The following USP34 variants were observed in gnomAD, a reference collection of about 807,000 sequenced individuals.
The protein encoded by USP34 is ubiquitin carboxyl-terminal hydrolase 34.
Under a neutral mutation model 460.3 loss-of-function variants are expected in USP34, and 70 were observed. The ratio of observed to expected loss-of-function variants is 0.15; its 90% CI spans 0.13 to 0.19. The LOEUF (loss-of-function observed/expected upper bound fraction) is 0.19, where lower values mean the gene tolerates loss of function less well. USP34 is among the 10% of genes least tolerant of loss of function. USP34 has a pLI of 1.00. For missense variants in USP34, 3,985 were observed against 4,236.2 expected (o/e 0.94, Z 1.65); for synonymous variants, 1,647 against 1,405.3 (o/e 1.17, Z -3.85).
intron 58 of USP34, among the ~76,000 whole-genome samples, chr2:61,232,239 A>G (rs991901459): frequency 2.0e-5 from 3 of 152,212 alleles, no homozygotes; most frequent in Admixed American, 1.3e-4. Context: ...ATATCCAGGA[A>G]ATGTGCATAA....
intron 15 of USP34, among the ~76,000 whole-genome samples, chr2:61,347,063 C>G (rs1018501750): frequency 2.0e-5 from 3 of 151,828 alleles, no homozygotes; most frequent in African/African-American, 7.3e-5. Context: ...TTGTTTGAGC[C>G]TGGGAAGTGG....
At chr2:61,387,469 AAAC>A (rs1000110548) in intron 5 of USP34, among the ~76,000 whole-genome samples, 45 of 151,208 alleles carry the variant, frequency 3.0e-4, no homozygotes, top group South Asian at 1.9e-3. Context: ...TATCTCAAAA[AAAC>A]AACAACAAAA....
At chr2:61,347,799 A>T in intron 15 of USP34, 71 bp downstream of exon 15, 1 of 1,554,372 alleles carries the variant, frequency 6.4e-7, no homozygotes, top group Non-Finnish European at 8.7e-7. Context: ...AATAAATTGC[A>T]AATTGAATAT....
chr2:61,380,140 T>G, intron 7 of USP34, 29 bp downstream of exon 7: 5 of 1,592,780 alleles, frequency 3.1e-6, no homozygotes, highest in Non-Finnish European at 4.3e-6. Context: ...AAATAAACGA[T>G]GACCAAAAAT....
rs550435995 is a variant in USP34 at position 61,326,158 on chromosome 2, C to A, written c.2931-701G>T. 2.6e-5 allele frequency among the ~76,000 whole-genome samples: 4 copies of A among 151,742 alleles called. No individual in the cohort carries two copies. In the South Asian group the frequency reaches 8.4e-4, roughly 32 times the overall value. On this transcript the variant is annotated intron_variant, in intron 20 of 79. Coordinates refer to ENST00000398571, the MANE Select transcript of USP34 (RefSeq NM_014709.4). ...GTGCTGGTGAGTGGGGGTGAGGGGA[C>A]CATGTTTGGGGTGGAGGTAATCATC...
intron 43 of USP34, among the ~76,000 whole-genome samples, chr2:61,264,826 C>A (rs905638250): frequency 5.3e-5 from 8 of 151,990 alleles, no homozygotes; most frequent in African/African-American, 1.9e-4. Context: ...GAGTTGGAGA[C>A]CAGCCTGGTC....
intron 35 of USP34, among the ~76,000 whole-genome samples, chr2:61,284,040 A>G (rs1391763231): frequency 1.3e-5 from 2 of 152,180 alleles, no homozygotes; most frequent in African/African-American, 4.8e-5. Context: ...CAATAAAAAT[A>G]TATTGTATGT....
intron 28 of USP34, 52 bp from the exon 29 acceptor site, chr2:61,301,212 A>G (rs1359238155): frequency 1.9e-6 from 3 of 1,551,432 alleles, no homozygotes; most frequent in East Asian, 2.2e-5. Flanking sequence ...TAGTTTAATA[A>G]AACGGTAAAT....
chr2:61,245,110 G>T lies in USP34; in HGVS notation c.6627+100C>A, dbSNP rs1351201032. On this transcript the variant is annotated intron_variant, in intron 51 of 79. Coordinates refer to ENST00000398571, the MANE Select transcript of USP34 (RefSeq NM_014709.4). ...TGAATAAATTTTTGATTTAATCATAGCAATTAAAAGAAAGTTAAGCGACTC... is the reference window on the plus strand; with the variant it reads ...TGAATAAATTTTTGATTTAATCATATCAATTAAAAGAAAGTTAAGCGACTC... 8.2e-6 allele frequency: 6 copies of T among 733,102 alleles called. No homozygotes were observed. In the Admixed American group the frequency reaches 1.1e-4, roughly 13 times the overall value. 45.4% of individuals were successfully genotyped at this position (733,102 alleles called of 1,614,324 possible).
Position 61,370,350 on chromosome 2 carries a change from G to T in USP34, c.1222C>A (p.His408Asn), listed in dbSNP as rs1385270136. Residue 408 changes from histidine to asparagine, a missense_variant, in exon 10 of 80, where the codon CAT (histidine) becomes AAT (asparagine). Around this residue, in one of 14 missense-constraint regions of USP34, gnomAD observed 716 missense variants for 626.2 expected, o/e 1.14. Transcript: ENST00000398571. ...LAAEGRLSTQ[H>N]IDCIWAAAQL... ...GCTGCAGCCCAAATACAGTCAATAT[G>T]TTGAGTACTCAGTCGCCCTTCTGCT... 6.2e-7 allele frequency: 1 copy of T among 1,614,052 alleles called. No individual in the cohort carries two copies.
At chr2:61,399,328 A>G (rs1017136249) in intron 3 of USP34, among the ~76,000 whole-genome samples, 3 of 149,892 alleles carry the variant, frequency 2.0e-5, no homozygotes, top group African/African-American at 7.4e-5. Context: ...GGGCAACAGG[A>G]TCAAAACTCC....
At chr2:61,245,749 G>A (rs1466063640) in intron 50 of USP34, among the ~76,000 whole-genome samples, 1 of 149,944 alleles carries the variant, frequency 6.7e-6, no homozygotes, top group Non-Finnish European at 1.5e-5. Context: ...TCTGCTAACT[G>A]AAAATCAATT....
chr2:61,439,077 G>C (rs1404888011), intron 1 of USP34, among the ~76,000 whole-genome samples: 4 of 152,128 alleles, frequency 2.6e-5, no homozygotes, highest in Admixed American at 2.0e-4. Flanking sequence ...CAATAGCTAG[G>C]AAAAAAGTCT....
intron 57 of USP34, among the ~76,000 whole-genome samples, chr2:61,232,886 T>C (rs1389229210): frequency 2.4e-4 from 33 of 139,400 alleles, no homozygotes; most frequent in African/African-American, 8.3e-4. Flanking sequence ...TTTTTTTTTT[T>C]TTGAGACAGA....
At chr2:61,462,549 C>CAA (rs112630836) in intron 1 of USP34, among the ~76,000 whole-genome samples, 2 of 104,326 alleles carry the variant, frequency 1.9e-5, no homozygotes, top group South Asian at 6.1e-4. Context: ...ACTCCGTCTC[C>CAA]AAAAAAAAAA....
At chr2:61,365,453 G>A (rs546025451) in intron 10 of USP34, among the ~76,000 whole-genome samples, 69 of 152,096 alleles carry the variant, frequency 4.5e-4, no homozygotes, top group African/African-American at 1.6e-3. Context: ...AACCTTGCCA[G>A]CAGGAAATGA....
In USP34 at chr2:61,188,533, G is replaced by C; in HGVS notation, c.10210C>G (p.Leu3404Val). 1 of 1,614,226 alleles carries C rather than the reference G, an allele frequency of 6.2e-7. No homozygotes were observed. The highest frequency in any genetic ancestry group is 8.5e-7 in the Non-Finnish European group (1 of 1,180,038). The change falls in exon 80 of 80, where the codon CTT (leucine) becomes GTT (valine). Residue 3404 changes from leucine to valine, a missense_variant. Around this residue, in one of 14 missense-constraint regions of USP34, gnomAD observed 506 missense variants for 439.0 expected, o/e 1.15. Transcript: ENST00000398571. ...ACAGAACTATTTTCAGGGGAAGGAAGATCTTGCTCAGTTCCTGGATCAATA... is the reference window on the plus strand; with the variant it reads ...ACAGAACTATTTTCAGGGGAAGGAACATCTTGCTCAGTTCCTGGATCAATA... ...SIIDPGTEQD[L>V]PSPENSSVKE...
At chr2:61,424,495 C>T (rs983794234) in intron 1 of USP34, among the ~76,000 whole-genome samples, 11 of 152,100 alleles carry the variant, frequency 7.2e-5, no homozygotes, top group Admixed American at 1.3e-4. Context: ...CCCAGAAATG[C>T]GTTTCAGTTT....
At chr2:61,301,259 A>G in intron 28 of USP34, 95 bp downstream of exon 28, 2 of 1,504,912 alleles carry the variant, frequency 1.3e-6, no homozygotes, top group Non-Finnish European at 1.8e-6. Flanking sequence ...TAATATAACA[A>G]AGCAATAAGA....
Sources: allele counts gnomAD v4.1 joint callset (sites outside exome capture counted in the v4.1 genomes callset), GRCh38; gene constraint gnomAD v4.1.1; regional missense constraint gnomAD v4.1.1; transcripts MANE v1.5; gene names NCBI Gene and HGNC (gene_info 2026-07-23, HGNC 2026-07-21).